SUSD6: variants seen among roughly 807,000 people sequenced by gnomAD.
SUSD6 encodes the protein sushi domain containing 6, also known as sushi domain-containing protein 6.
A neutral mutation model predicts 28.4 loss-of-function variants in SUSD6; 16 were observed. That is an observed-to-expected ratio of 0.56 (90% CI 0.38 to 0.86). The LOEUF (loss-of-function observed/expected upper bound fraction) is 0.86, where lower values mean the gene tolerates loss of function less well. Ranked by LOEUF, SUSD6 falls within the 40% of genes least tolerant of loss-of-function variation. SUSD6 has a pLI of 0.00. For missense variants in SUSD6, 341 were observed against 384.2 expected (o/e 0.89, Z 0.94); for synonymous variants, 147 against 159.6 (o/e 0.92, Z 0.59).
chr14:69,709,128 A>G (rs773237992), intron 5 of SUSD6, 24 bp downstream of exon 5: 7 of 1,531,468 alleles, frequency 4.6e-6, no homozygotes, highest in Non-Finnish European at 6.2e-6. Context: ...GCTGAACATG[A>G]ATTATTAGCT....
chr14:69,637,901 C>G (rs150183980), intron 1 of SUSD6, among the ~76,000 whole-genome samples: 2 of 152,064 alleles, frequency 1.3e-5, no homozygotes, highest in African/African-American at 2.4e-5. Context: ...GTCCAGCCCC[C>G]CTTCTCCCCA....
intron 2 of SUSD6, among the ~76,000 whole-genome samples, chr14:69,673,777 C>T (rs978495347): frequency 6.6e-6 from 1 of 152,138 alleles, no homozygotes; most frequent in Non-Finnish European, 1.5e-5. Context: ...GTATGAAGAA[C>T]GGGACCCTGA....
At chr14:69,650,524 G>C (rs1885488468) in intron 1 of SUSD6, among the ~76,000 whole-genome samples, 1 of 152,204 alleles carries the variant, frequency 6.6e-6, no homozygotes, top group Non-Finnish European at 1.5e-5. Context: ...GAAGCAAAGT[G>C]CTTGTCCAAG....
intron 1 of SUSD6, among the ~76,000 whole-genome samples, chr14:69,619,597 A>AG (rs1885006854): frequency 6.9e-6 from 1 of 144,900 alleles, no homozygotes; most frequent in African/African-American, 2.8e-5. Flanking sequence ...ACATCTCTAC[A>AG]GAAAAAAAAA....
At chr14:69,656,063 G>A (rs981968358) in intron 1 of SUSD6, among the ~76,000 whole-genome samples, 1 of 151,524 alleles carries the variant, frequency 6.6e-6, no homozygotes, top group African/African-American at 2.4e-5. Flanking sequence ...ACTTGTATTT[G>A]GTGCTTCCTT....
chr14:69,636,258 AAGGC>A (rs1885264414), intron 1 of SUSD6, among the ~76,000 whole-genome samples: 2 of 152,224 alleles, frequency 1.3e-5, no homozygotes, highest in Admixed American at 1.3e-4. Flanking sequence ...GTTGCTGTTG[AAGGC>A]ATAGACGGAG....
intron 1 of SUSD6, among the ~76,000 whole-genome samples, chr14:69,636,883 G>A (rs575076971): frequency 1.4e-4 from 22 of 152,220 alleles, no homozygotes; most frequent in Non-Finnish European, 2.9e-4. Context: ...TGAGAGTTAG[G>A]AGAATGGGGT....
In SUSD6 at chr14:69,680,402, C is replaced by T. The variant is rs1885981255; in HGVS notation, c.121+21689C>T. On this transcript the variant is annotated intron_variant, in intron 2 of 5. Coordinates refer to ENST00000342745, the MANE Select transcript of SUSD6 (RefSeq NM_014734.4). ...ACATTGCTGACATCCAAGGCCCCATCATCTCTCACCAGGCTCTTACTGGTT... is the reference window on the plus strand; with the variant it reads ...ACATTGCTGACATCCAAGGCCCCATTATCTCTCACCAGGCTCTTACTGGTT... Among the ~76,000 whole-genome samples, 6 of 152,178 alleles carry T rather than the reference C, an allele frequency of 3.9e-5. No homozygotes were observed. In the South Asian group the frequency reaches 1.2e-3, roughly 32 times the overall value.
In SUSD6 at chr14:69,704,600, A is replaced by G. The variant is rs1191178547; in HGVS notation, c.320-4A>G. The G allele has an allele frequency of 1.4e-5, 23 of 1,608,734 alleles. No individual in the cohort carries two copies. The highest frequency in any genetic ancestry group is 3.4e-5 in the Admixed American group (2 of 58,444). On this transcript the variant is annotated splice_polypyrimidine_tract_variant and splice_region_variant and intron_variant, in intron 3 of 5. Coordinates refer to ENST00000342745, the MANE Select transcript of SUSD6 (RefSeq NM_014734.4). The stretch of plus-strand genomic sequence containing the variant: ...ACCCTTCTGATGATGGCTTGTTTTT[A>G]TAGATAAAGACACCCACACATCACT...
At chr14:69,684,413 T>C (rs560361197) in intron 2 of SUSD6, among the ~76,000 whole-genome samples, 19 of 152,236 alleles carry the variant, frequency 1.2e-4, no homozygotes, top group African/African-American at 4.6e-4. Flanking sequence ...AAAATGGAAA[T>C]TGGGAAAATA....
chr14:69,686,079 A>G (rs1886068644), intron 2 of SUSD6, among the ~76,000 whole-genome samples: 2 of 152,208 alleles, frequency 1.3e-5, no homozygotes, highest in South Asian at 4.1e-4. Flanking sequence ...TGGTAGTTGT[A>G]AGGGTAGGTC....
At chr14:69,623,013 A>C (rs1403464126) in intron 1 of SUSD6, among the ~76,000 whole-genome samples, 1 of 152,240 alleles carries the variant, frequency 6.6e-6, no homozygotes, top group Non-Finnish European at 1.5e-5. Flanking sequence ...ACTTGTATGT[A>C]GTAGTGATGT....
In SUSD6 at chr14:69,708,690, G is replaced by A; in HGVS notation, c.472G>A (p.Val158Ile). Residue 158 changes from valine to isoleucine, a missense_variant, in exon 5 of 6, where the codon GTA becomes ATA. Val to Ile is a conservative substitution (Grantham distance 29, BLOSUM62 3). Coordinates refer to ENST00000342745, the MANE Select transcript of SUSD6 (RefSeq NM_014734.4). ...CCTCCACTCCAGGCGTGACCAGGGG[G>A]TATCTGGGGACCAGGTCTCCATCAT... is the stretch of plus-strand genomic sequence containing the variant. ...SFHHSRRDQG[V>I]SGDQVSIMVD... is the part of the protein sequence containing the mutation. The A allele has an allele frequency of 1.3e-6, 2 of 1,579,574 alleles. No homozygotes were observed. The highest frequency in any genetic ancestry group is 1.7e-6 in the Non-Finnish European group (2 of 1,160,848).
chr14:69,686,069 T>C (rs1421792744), intron 2 of SUSD6, among the ~76,000 whole-genome samples: 1 of 152,174 alleles, frequency 6.6e-6, no homozygotes, highest in Non-Finnish European at 1.5e-5. Flanking sequence ...AAATGACTAA[T>C]GGTAGTTGTA....
At chr14:69,665,682 A>G (rs1885729932) in intron 2 of SUSD6, among the ~76,000 whole-genome samples, 1 of 152,230 alleles carries the variant, frequency 6.6e-6, no homozygotes, top group African/African-American at 2.4e-5. Flanking sequence ...TCATGGAGCC[A>G]CTGAGATCAT....
chr14:69,624,843 T>C (rs1175160386), intron 1 of SUSD6, among the ~76,000 whole-genome samples: 2 of 152,214 alleles, frequency 1.3e-5, no homozygotes, highest in Non-Finnish European at 2.9e-5. Context: ...GATTATTGCC[T>C]GGTGTGGGGA....
chr14:69,641,289 G>A (rs1885348857), intron 1 of SUSD6, among the ~76,000 whole-genome samples: 1 of 151,976 alleles, frequency 6.6e-6, no homozygotes, highest in Non-Finnish European at 1.5e-5. Flanking sequence ...GTATCTGTTT[G>A]TGCATAATTT....
intron 2 of SUSD6, among the ~76,000 whole-genome samples, chr14:69,669,069 T>C (rs1392856730): frequency 3.2e-4 from 43 of 133,116 alleles, no homozygotes; most frequent in African/African-American, 1.2e-3. Context: ...TTTCTTTTTT[T>C]TTTTTTTTTT....
In SUSD6 at chr14:69,634,937, C is replaced by A. The variant is rs185149161; in HGVS notation, c.-81+23109C>A. On this transcript the variant is annotated intron_variant, in intron 1 of 5. Coordinates refer to ENST00000342745, the MANE Select transcript of SUSD6 (RefSeq NM_014734.4). ...CCAGGCCACCTTTTTCAGATTTATA[C>A]CCTCTTCCCATTCTATTCTCAGCTA... Among the ~76,000 whole-genome samples, 34 of 152,274 alleles carry A rather than the reference C, an allele frequency of 2.2e-4. No individual in the cohort carries two copies. The East Asian group carries it at 5.6e-3, about 25-fold the overall frequency.
Sources: allele counts gnomAD v4.1 joint callset (sites outside exome capture counted in the v4.1 genomes callset), GRCh38; gene constraint gnomAD v4.1.1; transcripts MANE v1.5; gene names NCBI Gene and HGNC (gene_info 2026-07-23, HGNC 2026-07-21).